TRHR: variants seen among roughly 807,000 people sequenced by gnomAD.
TRHR encodes the protein thyrotropin releasing hormone receptor, also known as thyrotropin-releasing hormone receptor.
A neutral mutation model predicts 28.0 loss-of-function variants in TRHR; 14 were observed. The ratio of observed to expected loss-of-function variants is 0.50; its 90% CI spans 0.33 to 0.78. The LOEUF (loss-of-function observed/expected upper bound fraction) is 0.78. TRHR is among the 30% of genes least tolerant of loss of function. TRHR has a pLI of 0.02. For missense variants in TRHR, 438 were observed against 469.5 expected (o/e 0.93, Z 0.62); for synonymous variants, 176 against 171.9 (o/e 1.02, Z -0.18).
chr8:109,087,491 G>C lies in TRHR; in HGVS notation c.-22G>C, dbSNP rs765164694. Reference sequence around the variant, plus strand: ...GATGTTTTGAGAAGTCAGTGTTTCCGAGAAACTTTAAGCTTCTAAAGATGG... The same window carrying C: ...GATGTTTTGAGAAGTCAGTGTTTCCCAGAAACTTTAAGCTTCTAAAGATGG... On this transcript the variant is annotated 5_prime_UTR_variant, in exon 2 of 3. Coordinates refer to ENST00000518632, the MANE Select transcript of TRHR (RefSeq NM_003301.7). 3 of 1,613,650 alleles carry C rather than the reference G, an allele frequency of 1.9e-6. No individual in the cohort carries two copies. Among genetic ancestry groups the C allele is most frequent in the Non-Finnish European group, 8.5e-7 (1 of 1,179,956 alleles).
At chr8:109,099,194 G>A (rs1389364021) in intron 2 of TRHR, among the ~76,000 whole-genome samples, 1 of 152,142 alleles carries the variant, frequency 6.6e-6, no homozygotes, top group Non-Finnish European at 1.5e-5. Flanking sequence ...TTAGAAATAT[G>A]GGATTGGAAG....
At position 109,087,505 on chromosome 8, in the gene TRHR, T is replaced by C. The variant is rs1209560092; in HGVS notation, c.-8T>C. On this transcript the variant is annotated 5_prime_UTR_variant, in exon 2 of 3. Transcript: ENST00000518632. ...TCAGTGTTTCCGAGAAACTTTAAGC[T>C]TCTAAAGATGGAAAACGAGACAGTC... The C allele has an allele frequency of 2.5e-6, 4 of 1,614,140 alleles. No homozygotes were observed. The South Asian group carries it at 3.3e-5, about 13-fold the overall frequency.
chr8:109,093,632 C>T (rs993308412), intron 2 of TRHR, among the ~76,000 whole-genome samples: 6 of 151,804 alleles, frequency 4.0e-5, no homozygotes, highest in Non-Finnish European at 8.8e-5. Context: ...TCTCGATCTC[C>T]TGACCTCACG....
At chr8:109,091,146 A>G (rs1439549624) in intron 2 of TRHR, among the ~76,000 whole-genome samples, 3 of 152,176 alleles carry the variant, frequency 2.0e-5, no homozygotes, top group East Asian at 1.9e-4. Flanking sequence ...CCACTTTGGA[A>G]GTTGTTAGTA....
chr8:109,090,476 CAGTT>C (rs1160401405), intron 2 of TRHR, among the ~76,000 whole-genome samples: 2 of 152,194 alleles, frequency 1.3e-5, no homozygotes, highest in Non-Finnish European at 2.9e-5. Flanking sequence ...ACACCACTGT[CAGTT>C]AGCCTCCAAG....
intron 2 of TRHR, among the ~76,000 whole-genome samples, chr8:109,112,157 A>G (rs1407439060): frequency 6.6e-6 from 1 of 152,194 alleles, no homozygotes; most frequent in Non-Finnish European, 1.5e-5. Context: ...TTGTCATTCA[A>G]TAACACATAG....
At chr8:109,110,983 C>T (rs996776160) in intron 2 of TRHR, among the ~76,000 whole-genome samples, 2 of 152,066 alleles carry the variant, frequency 1.3e-5, no homozygotes, top group African/African-American at 2.4e-5. Flanking sequence ...TGGTAAAACC[C>T]CGTCTCTACA....
chr8:109,094,981 A>C (rs1369702385), intron 2 of TRHR, among the ~76,000 whole-genome samples: 2 of 151,960 alleles, frequency 1.3e-5, no homozygotes, highest in Non-Finnish European at 2.9e-5. Context: ...CTGATTGGTA[A>C]GTATGTTCTT....
chr8:109,098,523 A>G (rs1811629048), intron 2 of TRHR, among the ~76,000 whole-genome samples: 1 of 151,922 alleles, frequency 6.6e-6, no homozygotes, highest in South Asian at 2.1e-4. Flanking sequence ...TGCTACCATC[A>G]CTGTGCTGCC....
chr8:109,095,569 C>G (rs1342322495), intron 2 of TRHR, among the ~76,000 whole-genome samples: 2 of 152,112 alleles, frequency 1.3e-5, no homozygotes, highest in African/African-American at 4.8e-5. Flanking sequence ...CATCCTGTCC[C>G]TTGTCATTCT....
At position 109,086,774 on chromosome 8, in the gene TRHR, A is replaced by G. The variant is rs1436135418; in HGVS notation, c.-198A>G. ...GCAGTTTTAAAGACTGAGCACTGCT[A>G]AGTGGTCTCCCTCTCAAATAGAGTA... is the stretch of plus-strand genomic sequence containing the variant. On this transcript the variant is annotated 5_prime_UTR_variant, in exon 1 of 3. Transcript: ENST00000518632. 1 of 152,534 alleles carries G rather than the reference A, an allele frequency of 6.6e-6. No homozygotes were observed. The highest frequency in any genetic ancestry group is 1.9e-4 in the East Asian group (1 of 5,196). 9.4% of individuals were successfully genotyped at this position (152,534 alleles called of 1,614,324 possible). A position where few individuals can be genotyped will look rare whatever the true frequency, so the allele number is the denominator to read the frequency against.
intron 1 of TRHR, 105 bp from the exon 2 acceptor site, chr8:109,087,320 T>G: frequency 1.5e-6 from 1 of 661,784 alleles, no homozygotes; most frequent in Non-Finnish European, 2.6e-6. Context: ...CCTATTCCCA[T>G]AGAAAAATGG....
In TRHR at chr8:109,113,802, T is replaced by C. The variant is rs549568336; in HGVS notation, c.790-5246T>C. ...TGTTAGCTAATAGTTTTGGAACTTG[T>C]AGTAAGAGTCATAGCAGTAGTTACA... On this transcript the variant is annotated intron_variant, in intron 2 of 2. Coordinates refer to ENST00000518632, the MANE Select transcript of TRHR (RefSeq NM_003301.7). Among the ~76,000 whole-genome samples, 15 of 152,274 alleles carry C rather than the reference T, an allele frequency of 9.9e-5. No homozygotes were observed. In the South Asian group the frequency reaches 2.9e-3, roughly 29 times the overall value.
chr8:109,117,660 A>C (rs997356581), intron 2 of TRHR, among the ~76,000 whole-genome samples: 3 of 151,848 alleles, frequency 2.0e-5, no homozygotes, highest in Admixed American at 6.6e-5. Context: ...GATGACAATG[A>C]AGATGATAAT....
intron 2 of TRHR, 118 bp downstream of exon 2, chr8:109,088,419 G>A (rs1252320026): frequency 9.4e-7 from 1 of 1,063,842 alleles, no homozygotes; most frequent in Non-Finnish European, 1.4e-6. Context: ...TCATGCAAAT[G>A]TTTCACAGTG....
rs1563619673 is a variant in TRHR at position 109,086,671 on chromosome 8, C to CCTGCTGCTGCTT, written c.-295_-284dup. ...ATTTGACAGCCTCACTGCTGCTGCT[C>CCTGCTGCTGCTT]CTGCTGCTGCTTCTGCTTCTGCCGC... On this transcript the variant is annotated 5_prime_UTR_variant, in exon 1 of 3. Transcript: ENST00000518632. The CCTGCTGCTGCTT allele has an allele frequency of 6.5e-6, 1 of 153,472 alleles. No individual in the cohort carries two copies. Among genetic ancestry groups the CCTGCTGCTGCTT allele is most frequent in the African/African-American group, 2.4e-5 (1 of 41,406 alleles). The allele number at this position is 153,472 out of a possible 1,614,324, so 9.5% of individuals were successfully genotyped here.
chr8:109,092,691 G>A (rs547639891), intron 2 of TRHR, among the ~76,000 whole-genome samples: 19 of 152,058 alleles, frequency 1.2e-4, no homozygotes, highest in African/African-American at 4.1e-4. Flanking sequence ...CGCTAGTCTC[G>A]GCCTTCCAAA....
intron 2 of TRHR, among the ~76,000 whole-genome samples, chr8:109,113,831 A>C (rs1811875241): frequency 6.6e-6 from 1 of 152,170 alleles, no homozygotes; most frequent in African/African-American, 2.4e-5. Flanking sequence ...AGTTACAATA[A>C]TAGTAGTTAG....
intron 2 of TRHR, among the ~76,000 whole-genome samples, chr8:109,109,239 C>G (rs1329347844): frequency 6.6e-6 from 1 of 151,976 alleles, no homozygotes; most frequent in Admixed American, 6.6e-5. Context: ...TTAGGTTTTT[C>G]AAATTTCAGG....
Sources: allele counts gnomAD v4.1 joint callset (sites outside exome capture counted in the v4.1 genomes callset), GRCh38; gene constraint gnomAD v4.1.1; transcripts MANE v1.5; gene names NCBI Gene and HGNC (gene_info 2026-07-23, HGNC 2026-07-21).